Variants in GPR19 observed in about 807,000 individuals in gnomAD.
The protein encoded by GPR19 is probable G protein-coupled receptor 19.
A neutral mutation model predicts 28.5 loss-of-function variants in GPR19; 14 were observed. The ratio of observed to expected loss-of-function variants is 0.49; its 90% CI spans 0.32 to 0.77. GPR19 has a LOEUF of 0.77. GPR19 is among the 30% of genes least tolerant of loss of function. The pLI is 0.03. For missense variants in GPR19, 409 were observed against 504.1 expected (o/e 0.81, Z 1.81); for synonymous variants, 173 against 184.1 (o/e 0.94, Z 0.49).
the GPR19 span, chr12:12,703,521 CCTCG>C: frequency 1.8e-6 from 1 of 563,642 alleles, no homozygotes; most frequent in Admixed American, 6.3e-5. Context: ...GCCTATGGCC[CCTCG>C]CTCTAGCACA....
chr12:12,673,068 G>A (rs1668478685), intron 3 of GPR19, among the ~76,000 whole-genome samples: 1 of 152,236 alleles, frequency 6.6e-6, no homozygotes, highest in Non-Finnish European at 1.5e-5. Flanking sequence ...TGGAATGGCA[G>A]ATGGCTGGTT....
the GPR19 span, among the ~76,000 whole-genome samples, chr12:12,712,312 T>C: frequency 1.3e-5 from 2 of 151,644 alleles, no homozygotes; most frequent in African/African-American, 4.8e-5. Flanking sequence ...CTAGACACTG[T>C]CTGTCATATC....
intron 3 of GPR19, among the ~76,000 whole-genome samples, chr12:12,679,989 C>T (rs1945994068): frequency 6.6e-6 from 1 of 151,920 alleles, no homozygotes; most frequent in Non-Finnish European, 1.5e-5. Context: ...CAAATATTTG[C>T]TTTTGCTTTC....
At chr12:12,710,018 T>C in the GPR19 span, among the ~76,000 whole-genome samples, 1 of 152,120 alleles carries the variant, frequency 6.6e-6, no homozygotes, top group Non-Finnish European at 1.5e-5. Flanking sequence ...AGAGAAACAA[T>C]GAGTGTTGCA....
chr12:12,672,467 CT>C (rs1055749797), intron 3 of GPR19, among the ~76,000 whole-genome samples: 16 of 152,258 alleles, frequency 1.1e-4, no homozygotes, highest in East Asian at 5.8e-4. Context: ...TTCACCCTGG[CT>C]GGGTGTGGTG....
chr12:12,709,510 G>T, the GPR19 span, among the ~76,000 whole-genome samples: 7 of 152,136 alleles, frequency 4.6e-5, no homozygotes, highest in Non-Finnish European at 1.0e-4. Flanking sequence ...GCATGAACAG[G>T]GCTCACTGCA....
chr12:12,703,114 C>G, the GPR19 span, among the ~76,000 whole-genome samples: 1 of 152,216 alleles, frequency 6.6e-6, no homozygotes, highest in Non-Finnish European at 1.5e-5. Context: ...CTCTGTAACT[C>G]TAGCACTCAG....
Position 12,661,465 on chromosome 12 carries a change from A to C in GPR19, c.984T>G (p.Thr328=), listed in dbSNP as rs1330714691. ...AATTGGCATTATAAATTGAATACAG[A>C]GTAGGTTTAGAGGCTGAAGAACTAA... ...ISFSSSASKP[T]LYSIYNANFR... is the part of the protein sequence containing the mutation. Residue 328 remains threonine, a synonymous_variant, in exon 4 of 4, where the codon ACT becomes ACG. Transcript: ENST00000651487. The surrounding 1 kb of genome is among the most constrained non-coding windows in gnomAD (Gnocchi z 4.2). The C allele has an allele frequency of 6.2e-7, 1 of 1,613,698 alleles. No individual in the cohort carries two copies. Among genetic ancestry groups the C allele is most frequent in the Non-Finnish European group, 8.5e-7 (1 of 1,179,692 alleles).
chr12:12,669,206 G>A (rs1386254251), intron 3 of GPR19, among the ~76,000 whole-genome samples: 2 of 152,214 alleles, frequency 1.3e-5, no homozygotes, highest in African/African-American at 4.8e-5. Flanking sequence ...ACAACGCACT[G>A]CACAGAAGCT....
intron 3 of GPR19, among the ~76,000 whole-genome samples, chr12:12,671,828 A>G (rs571773281): frequency 6.6e-6 from 1 of 152,350 alleles, no homozygotes; most frequent in South Asian, 2.1e-4. Context: ...GAAGATCCCT[A>G]TTAAAATATA....
chr12:12,706,809 A>C, the GPR19 span, among the ~76,000 whole-genome samples: 1 of 152,154 alleles, frequency 6.6e-6, no homozygotes, highest in Non-Finnish European at 1.5e-5. Context: ...GTACACTGCT[A>C]CCACCCTGGT....
chr12:12,698,158 C>A (rs1946291755), upstream of GPR19, among the ~76,000 whole-genome samples: 4 of 152,206 alleles, frequency 2.6e-5, no homozygotes, highest in South Asian at 8.3e-4. Flanking sequence ...TTTGAGACTC[C>A]TAGTTCATTT....
the GPR19 span, chr12:12,716,837 C>CG: frequency 1.2e-4 from 114 of 984,056 alleles, no homozygotes; most frequent in African/African-American, 2.6e-4. Context: ...GGCACGCCGG[C>CG]GGGGGGGCGC....
In GPR19 at chr12:12,661,761, C is replaced by A. The variant is rs770770278; in HGVS notation, c.688G>T (p.Val230Leu). ...AGGACAGATGGAATCACAAAGCCCA[C>A]CAAGAAGTGGATGACAGTGTAGGCA... ...GTAYTVIHFL[V>L]GFVIPSVLII... The change falls in exon 4 of 4, where the codon GTG becomes TTG. Residue 230 changes from valine to leucine, a missense_variant. Transcript: ENST00000651487. This position sits in a 1 kb window ranked among gnomAD's most constrained non-coding sequence, Gnocchi z 4.2. The A allele has an allele frequency of 1.9e-6, 3 of 1,613,998 alleles. No homozygotes were observed. Among genetic ancestry groups the A allele is most frequent in the African/African-American group, 2.7e-5 (2 of 74,990 alleles).
At chr12:12,678,073 CAAAAAAAAAAAAAAAA>C in intron 3 of GPR19, among the ~76,000 whole-genome samples, 1 of 46,138 alleles carries the variant, frequency 2.2e-5, no homozygotes, top group Admixed American at 2.7e-4. Context: ...GACTCTGTCT[CAAAAAAAAAAAAAAAA>C]AAAAAAAAAA....
chr12:12,682,191 A>G (rs144427411), intron 3 of GPR19, among the ~76,000 whole-genome samples: 2 of 152,366 alleles, frequency 1.3e-5, no homozygotes, highest in African/African-American at 2.4e-5. Context: ...ATGAATGAAA[A>G]TATCAGGAGA....
the GPR19 span, among the ~76,000 whole-genome samples, chr12:12,707,749 C>T: frequency 9.2e-5 from 14 of 151,990 alleles, no homozygotes; most frequent in Middle Eastern, 3.4e-3. Flanking sequence ...GACAGGGTCT[C>T]GCTCTGTCGC....
chr12:12,700,132 CCT>C (rs1376965706), upstream of GPR19, among the ~76,000 whole-genome samples: 1 of 143,460 alleles, frequency 7.0e-6, no homozygotes, highest in Non-Finnish European at 1.5e-5. Context: ...CTCCTTGAGG[CCT>C]CTCTCTTCTT....
chr12:12,716,537 C>G, the GPR19 span, among the ~76,000 whole-genome samples: 1 of 152,002 alleles, frequency 6.6e-6, no homozygotes, highest in Non-Finnish European at 1.5e-5. Flanking sequence ...CAGGGGTGTA[C>G]CCTCGTTTTT....
Sources: allele counts gnomAD v4.1 joint callset (sites outside exome capture counted in the v4.1 genomes callset), GRCh38; gene constraint gnomAD v4.1.1; non-coding constraint Gnocchi (gnomAD v3.1); transcripts MANE v1.5; gene names NCBI Gene and HGNC (gene_info 2026-07-23, HGNC 2026-07-21).